GFRA1: variants seen among roughly 807,000 people sequenced by gnomAD.
GFRA1 encodes GDNF family receptor alpha 1.
A neutral mutation model predicts 51.6 loss-of-function variants in GFRA1; 16 were observed. The observed-to-expected ratio is 0.31, with a 90% CI of 0.21 to 0.47. The LOEUF is 0.47. Among genes scored for constraint, GFRA1 ranks in the 20% least tolerant of loss-of-function variants. The probability of loss-of-function intolerance (pLI) is 1.00; values close to 1 mark genes in which losing one functional copy is unlikely to be tolerated. For synonymous variants in GFRA1, 270 were observed against 241.3 expected, an observed-to-expected ratio of 1.12 and a Z score of -1.10; for missense variants, 530 against 594.3, an observed-to-expected ratio of 0.89 and a Z score of 1.13.
intron 5 of GFRA1, among the ~76,000 whole-genome samples, chr10:116,210,653 G>A (rs2245164): frequency 0.63 from 95,782 of 152,088 alleles, 32,030 homozygotes; most frequent in African/African-American, 0.87. Context: ...TATCAGAGAA[G>A]GCAGATATTC....
chr10:116,127,420 C>G (rs1957924750), intron 5 of GFRA1, among the ~76,000 whole-genome samples: 1 of 152,230 alleles, frequency 6.6e-6, no homozygotes, highest in African/African-American at 2.4e-5. Flanking sequence ...CCATTATTCC[C>G]TGGCGCCATG....
chr10:116,119,298 G>A (rs1157671200), intron 6 of GFRA1, among the ~76,000 whole-genome samples: 2 of 152,122 alleles, frequency 1.3e-5, no homozygotes, highest in Admixed American at 6.5e-5. Context: ...GGAGTCCAGC[G>A]GCCCCCAGAG....
chr10:116,070,031 T>C (rs1482955029), intron 9 of GFRA1, among the ~76,000 whole-genome samples: 1 of 152,146 alleles, frequency 6.6e-6, no homozygotes, highest in Non-Finnish European at 1.5e-5. Context: ...CATTTCTCTC[T>C]CCTCCTCCAC....
intron 8 of GFRA1, among the ~76,000 whole-genome samples, chr10:116,093,369 G>A (rs1956434382): frequency 6.6e-6 from 1 of 152,160 alleles, no homozygotes; most frequent in Non-Finnish European, 1.5e-5. Flanking sequence ...TTTGATCTGC[G>A]GGTAGAAGCG....
chr10:116,104,842 C>T (rs1191126074), intron 6 of GFRA1, among the ~76,000 whole-genome samples: 1 of 152,182 alleles, frequency 6.6e-6, no homozygotes, highest in African/African-American at 2.4e-5. Flanking sequence ...TCCATTCCAA[C>T]TTGCAAGGGG....
At chr10:116,084,996 T>C (rs1956031821) in intron 9 of GFRA1, among the ~76,000 whole-genome samples, 1 of 152,224 alleles carries the variant, frequency 6.6e-6, no homozygotes. Context: ...CTAATATGAC[T>C]GCCAATTAAT....
In GFRA1 at chr10:116,178,233, C is replaced by G. The variant is rs113143785; in HGVS notation, c.433+33398G>C. ...AATTAGGAACTATTTGTTTTGCATC[C>G]CCTAAACACAAGGATGCTGGCTGTG... On this transcript the variant is annotated intron_variant, in intron 5 of 10. Transcript: ENST00000355422. Among the ~76,000 whole-genome samples the G allele has an allele frequency of 2.8e-4, 42 of 151,562 alleles. 1 individual carries two copies. The highest frequency in any genetic ancestry group is 9.5e-4 in the African/African-American group (39 of 41,062).
chr10:116,117,193 G>A (rs1463113205), intron 6 of GFRA1, among the ~76,000 whole-genome samples: 1 of 152,220 alleles, frequency 6.6e-6, no homozygotes, highest in African/African-American at 2.4e-5. Context: ...TACCTCAGCA[G>A]TGATCATCAT....
intron 5 of GFRA1, among the ~76,000 whole-genome samples, chr10:116,197,123 T>C (rs1033255405): frequency 1.3e-5 from 2 of 152,060 alleles, no homozygotes; most frequent in African/African-American, 4.8e-5. Context: ...GGTCTGAATG[T>C]TGGTGTCTCC....
intron 4 of GFRA1, among the ~76,000 whole-genome samples, 183 bp from the exon 5 acceptor site, chr10:116,211,828 C>T (rs561530599): frequency 6.6e-6 from 1 of 152,328 alleles, no homozygotes; most frequent in South Asian, 2.1e-4. Context: ...AATGAGGCTG[C>T]TTGCATTTCA....
At chr10:116,075,163 CT>C (rs1469740933) in intron 9 of GFRA1, among the ~76,000 whole-genome samples, 16 of 152,048 alleles carry the variant, frequency 1.1e-4, no homozygotes, top group African/African-American at 2.7e-4. Context: ...TGAGGAGGAC[CT>C]TATCTTCCCA....
chr10:116,090,335 A>T (rs1956279317), intron 8 of GFRA1, among the ~76,000 whole-genome samples: 2 of 151,886 alleles, frequency 1.3e-5, no homozygotes, highest in Admixed American at 1.3e-4. Context: ...TTAAAAGGAA[A>T]CTAATTAGTG....
intron 4 of GFRA1, among the ~76,000 whole-genome samples, chr10:116,221,572 G>A (rs1265561538): frequency 2.0e-5 from 3 of 152,208 alleles, no homozygotes; most frequent in Admixed American, 1.3e-4. Flanking sequence ...TTACAGGCAG[G>A]TGCCACCACG....
At chr10:116,193,927 T>C (rs985131942) in intron 5 of GFRA1, among the ~76,000 whole-genome samples, 22 of 151,934 alleles carry the variant, frequency 1.4e-4, no homozygotes, top group Non-Finnish European at 2.6e-4. Context: ...TAGTCCCAGC[T>C]ACTCCGGAGA....
chr10:116,068,194 AGAG>A (rs1245849959), intron 9 of GFRA1, among the ~76,000 whole-genome samples: 1 of 152,212 alleles, frequency 6.6e-6, no homozygotes, highest in Non-Finnish European at 1.5e-5. Context: ...TCAGCACTCC[AGAG>A]GCTTAGCAGT....
In GFRA1 at chr10:116,064,488, C is replaced by T. The variant is rs930341893; in HGVS notation, c.1308G>A (p.Met436Ile). The change falls in exon 11 of 11, where the codon ATG (methionine) becomes ATA (isoleucine). Residue 436 changes from methionine (M) to isoleucine (I), a missense_variant. Physicochemically the swap from Met to Ile is conservative, Grantham distance 10 (BLOSUM62 1). Transcript: ENST00000355422. ...TCAGACCACAGCTTGGAGGAGCAGC[C>T]ATTGATTTTGTGGTTATGTGGCTGG... ...GASSHITTKS[M>I]AAPPSCGLSP... The T allele has an allele frequency of 3.1e-6, 5 of 1,613,154 alleles. No homozygotes were observed. In the African/African-American group the frequency reaches 6.7e-5, roughly 22 times the overall value.
intron 5 of GFRA1, among the ~76,000 whole-genome samples, chr10:116,171,361 C>A (rs1358864391): frequency 1.3e-5 from 2 of 152,152 alleles, no homozygotes; most frequent in African/African-American, 4.8e-5. Flanking sequence ...AAACTCGGAG[C>A]AACTGTACCA....
In GFRA1 at chr10:116,272,354, T is replaced by G; in HGVS notation, c.-246-79A>C. On this transcript the variant is annotated intron_variant, in intron 1 of 10. Transcript: ENST00000355422. The surrounding 1 kb of genome is among the most constrained non-coding windows in gnomAD (Gnocchi z 4.4). ...CCACAGAACCCTCTCCCCTCCCCCG[T>G]TCCCGCCTTTGGGGAATTTCCAACA... 54 of 428,084 alleles carry G rather than the reference T, an allele frequency of 1.3e-4. No homozygotes were observed. Among genetic ancestry groups the G allele is most frequent in the Non-Finnish European group, 1.4e-4 (33 of 230,364 alleles). 26.5% of individuals were successfully genotyped at this position (428,084 alleles called of 1,614,324 possible).
chr10:116,133,458 G>T (rs563119517), intron 5 of GFRA1, among the ~76,000 whole-genome samples: 2 of 152,292 alleles, frequency 1.3e-5, no homozygotes, highest in Non-Finnish European at 2.9e-5. Flanking sequence ...AGGAGCCATG[G>T]ATTAGGAGTG....
Sources: gnomAD v4.1 joint callset for allele counts (sites outside exome capture counted in the v4.1 genomes callset) on GRCh38, gnomAD v4.1.1 for gene constraint, Gnocchi (gnomAD v3.1) non-coding constraint, MANE v1.5 for transcripts, NCBI Gene and HGNC (gene_info 2026-07-23, HGNC 2026-07-21) for gene names.